TENM1: variants seen among roughly 807,000 people sequenced by gnomAD.
TENM1 encodes teneurin-1.
Under a neutral mutation model 174.8 loss-of-function variants are expected in TENM1, and 35 were observed. The observed-to-expected ratio is 0.20, with a 90% confidence interval of 0.15 to 0.27. TENM1 has a LOEUF of 0.27. Among genes scored for constraint, TENM1 ranks in the 10% least tolerant of loss-of-function variants. The pLI is 1.00. For synonymous variants in TENM1, 781 were observed against 798.7 expected (o/e 0.98, Z 0.37); for missense variants, 1,633 against 2,130.1 (o/e 0.77, Z 4.59).
the TENM1 span, among the ~76,000 whole-genome samples, chrX:125,040,431 T>C: frequency 9.0e-6 from 1 of 111,235 alleles, no homozygotes; most frequent in Admixed American, 9.6e-5. Flanking sequence ...ATCAAATAAC[T>C]GAAACTCTAT....
At chrX:124,717,476 C>T (rs945826190) in intron 4 of TENM1, among the ~76,000 whole-genome samples, 2 of 111,589 alleles carry the variant, frequency 1.8e-5, no homozygotes, top group African/African-American at 6.5e-5. Flanking sequence ...GGAGTTACAA[C>T]ATTATAGGGG....
intron 22 of TENM1, among the ~76,000 whole-genome samples, chrX:124,472,909 A>G (rs1387388057): frequency 1.8e-4 from 20 of 111,736 alleles, no homozygotes; most frequent in Non-Finnish European, 1.5e-4. Context: ...TTGATGGTGG[A>G]CTAATATGGA....
the TENM1 span, among the ~76,000 whole-genome samples, chrX:125,019,218 T>G: frequency 4.1e-3 from 454 of 111,632 alleles, 3 homozygotes; most frequent in African/African-American, 0.014. Context: ...AACCCCCATC[T>G]AATTGCAATT....
At chrX:124,484,716 T>G (rs1167774484) in intron 21 of TENM1, among the ~76,000 whole-genome samples, 1 of 111,029 alleles carries the variant, frequency 9.0e-6, no homozygotes, top group Non-Finnish European at 1.9e-5. Context: ...CCAGATGCTC[T>G]GGGCTCATCT....
intron 11 of TENM1, among the ~76,000 whole-genome samples, chrX:124,615,028 GC>G (rs2050367219): frequency 8.9e-6 from 1 of 112,140 alleles, no homozygotes; most frequent in African/African-American, 3.2e-5. Flanking sequence ...CCAATATTAT[GC>G]CTAGAAGCCA....
intron 4 of TENM1, among the ~76,000 whole-genome samples, chrX:124,734,311 G>A (rs1035330441): frequency 5.4e-5 from 6 of 110,949 alleles, no homozygotes; most frequent in Non-Finnish European, 1.1e-4. Flanking sequence ...TTAGCTGGGC[G>A]TGGTGGCATA....
chrX:124,749,705 G>A (rs1656113497), intron 3 of TENM1, among the ~76,000 whole-genome samples: 1 of 111,654 alleles, frequency 9.0e-6, no homozygotes. Context: ...TAGGTATACC[G>A]CTCATAGCAA....
chrX:124,648,889 C>T (rs371773723), intron 8 of TENM1, among the ~76,000 whole-genome samples: 3 of 111,784 alleles, frequency 2.7e-5, no homozygotes, highest in Middle Eastern at 4.6e-3. Context: ...AATAAAAATC[C>T]GTACATCTTA....
chrX:124,807,186 A>T (rs1023623373), intron 3 of TENM1, among the ~76,000 whole-genome samples: 2 of 111,967 alleles, frequency 1.8e-5, no homozygotes, highest in Non-Finnish European at 1.9e-5. Context: ...CATGAGAAAT[A>T]TACCACCATG....
At chrX:124,876,070 C>T (rs1407666095) in intron 3 of TENM1, among the ~76,000 whole-genome samples, 1 of 109,744 alleles carries the variant, frequency 9.1e-6, no homozygotes, top group Non-Finnish European at 1.9e-5. Flanking sequence ...GGTGTAAATA[C>T]TGACTTTACC....
At chrX:124,627,800 G>A (rs12008743) in intron 11 of TENM1, among the ~76,000 whole-genome samples, 6,208 of 111,554 alleles carry the variant, frequency 0.056, 413 homozygotes, top group African/African-American at 0.19. Context: ...TTAAAATTCT[G>A]CTCTCTCCAA....
At chrX:124,469,001 A>G (rs773960614) in intron 22 of TENM1, among the ~76,000 whole-genome samples, 62 of 111,890 alleles carry the variant, frequency 5.5e-4, no homozygotes, top group Non-Finnish European at 1.0e-3. Context: ...TACAGTTAAT[A>G]TCATAGCACA....
chrX:125,022,243 A>G, the TENM1 span, among the ~76,000 whole-genome samples: 1 of 112,002 alleles, frequency 8.9e-6, no homozygotes, highest in Non-Finnish European at 1.9e-5. Flanking sequence ...AAAGATCCAC[A>G]TAGGTTTTTC....
chrX:124,448,656 T>C (rs1036104961), intron 23 of TENM1, among the ~76,000 whole-genome samples: 1 of 112,226 alleles, frequency 8.9e-6, no homozygotes, highest in Non-Finnish European at 1.9e-5. Context: ...TACCATTATG[T>C]CCTTTTGGTT....
At chrX:124,541,208 T>A (rs1373867362) in intron 15 of TENM1, among the ~76,000 whole-genome samples, 3 of 111,917 alleles carry the variant, frequency 2.7e-5, no homozygotes, top group Non-Finnish European at 5.6e-5. Flanking sequence ...GAGTTTTTCA[T>A]TAGCAAATAT....
Position 124,723,386 on chromosome X carries a change from G to A in TENM1, c.776+13571C>T, listed in dbSNP as rs185895510. Among the ~76,000 whole-genome samples, 715 of 111,109 alleles carry A rather than the reference G, an allele frequency of 6.4e-3. 6 individuals are homozygous for A. The highest frequency in any genetic ancestry group is 8.4e-3 in the Non-Finnish European group (448 of 53,020). The stretch of plus-strand genomic sequence containing the variant: ...TTTCCTTCTGTTTGTTCTCTTCCGT[G>A]ATTACTTTTCAGTCACCTACGCTGG... On this transcript the variant is annotated intron_variant, in intron 4 of 31. Transcript: ENST00000422452.
chrX:124,872,185 A>G (rs773481442), intron 3 of TENM1, among the ~76,000 whole-genome samples: 11 of 111,137 alleles, frequency 9.9e-5, no homozygotes, highest in East Asian at 8.5e-4. Flanking sequence ...ATGGAATGGG[A>G]TATGACCTTA....
At chrX:125,022,347 A>G in the TENM1 span, among the ~76,000 whole-genome samples, 3 of 112,011 alleles carry the variant, frequency 2.7e-5, no homozygotes, top group Non-Finnish European at 5.6e-5. Flanking sequence ...ACAAATGGGG[A>G]AAAAGAAATA....
chrX:124,918,134 A>T (rs1015715786), intron 1 of TENM1, among the ~76,000 whole-genome samples: 15 of 111,312 alleles, frequency 1.3e-4, no homozygotes, highest in African/African-American at 4.6e-4. Context: ...ACAGGAATTG[A>T]TATTTGCAAG....
Sources: gnomAD v4.1 joint callset for allele counts (sites outside exome capture counted in the v4.1 genomes callset) on GRCh38, gnomAD v4.1.1 for gene constraint, MANE v1.5 for transcripts, NCBI Gene and HGNC (gene_info 2026-07-23, HGNC 2026-07-21) for gene names.